Variants in SGCD observed in about 807,000 individuals in gnomAD.
SGCD encodes delta-sarcoglycan.
In SGCD, 18 loss-of-function variants were observed where a neutral mutation model predicts 36.6. The ratio of observed to expected loss-of-function variants is 0.49; its 90% confidence interval spans 0.34 to 0.73. The LOEUF is 0.73. Ranked by LOEUF, SGCD falls within the 30% of genes least tolerant of loss-of-function variation. SGCD has a pLI of 0.01. For missense variants in SGCD, 387 were observed against 346.7 expected (o/e 1.12, Z -0.92); for synonymous variants, 133 against 130.6 (o/e 1.02, Z -0.12).
intron 7 of SGCD, among the ~76,000 whole-genome samples, chr5:156,710,423 T>C (rs1465975985): frequency 6.6e-6 from 1 of 152,198 alleles, no homozygotes; most frequent in Non-Finnish European, 1.5e-5. Context: ...AGCCAAACTC[T>C]GCAAAATATT....
intron 1 of SGCD, among the ~76,000 whole-genome samples, chr5:156,329,316 G>A (rs953350775): frequency 1.3e-5 from 2 of 152,196 alleles, no homozygotes; most frequent in Non-Finnish European, 2.9e-5. Context: ...GCACTGATTT[G>A]TTGGACTGGA....
the SGCD span, among the ~76,000 whole-genome samples, chr5:155,856,892 G>A: frequency 6.6e-6 from 1 of 152,148 alleles, no homozygotes; most frequent in East Asian, 1.9e-4. Flanking sequence ...ATACATTGTT[G>A]GTGAGAAGAT....
At chr5:155,782,039 T>G in the SGCD span, among the ~76,000 whole-genome samples, 5 of 151,244 alleles carry the variant, frequency 3.3e-5, no homozygotes, top group East Asian at 9.7e-4. Flanking sequence ...TTTTTTTTTT[T>G]TTTTGAGACA....
At chr5:155,761,879 C>T in the SGCD span, among the ~76,000 whole-genome samples, 1 of 152,018 alleles carries the variant, frequency 6.6e-6, no homozygotes, top group Non-Finnish European at 1.5e-5. Context: ...CATCATCCTC[C>T]CTATTGTCCT....
At chr5:156,297,436 C>T (rs1419014103) in intron 3 of SGCD, among the ~76,000 whole-genome samples, 1 of 151,978 alleles carries the variant, frequency 6.6e-6, no homozygotes, top group Non-Finnish European at 1.5e-5. Context: ...GGCACATATA[C>T]ACCATGGAAT....
chr5:156,481,486 A>G (rs1464056310), intron 3 of SGCD, among the ~76,000 whole-genome samples: 1 of 152,070 alleles, frequency 6.6e-6, no homozygotes, highest in Non-Finnish European at 1.5e-5. Context: ...GCTTTCCTTT[A>G]TTTTTTATTG....
chr5:156,421,427 G>A (rs571662925), intron 3 of SGCD, among the ~76,000 whole-genome samples: 3 of 152,148 alleles, frequency 2.0e-5, no homozygotes, highest in South Asian at 2.1e-4. Context: ...TGGTTTCTTC[G>A]AAGAAAATCT....
intron 1 of SGCD, among the ~76,000 whole-genome samples, chr5:156,024,619 T>C (rs556761858): frequency 6.6e-6 from 1 of 152,222 alleles, no homozygotes; most frequent in South Asian, 2.1e-4. Flanking sequence ...TTTTAGATAG[T>C]ATATTGATTC....
intron 2 of SGCD, among the ~76,000 whole-genome samples, chr5:156,339,596 A>G (rs559811969): frequency 6.6e-6 from 1 of 152,344 alleles, no homozygotes; most frequent in South Asian, 2.1e-4. Flanking sequence ...AAACATGACA[A>G]TAAAGTGAAT....
intron 1 of SGCD, among the ~76,000 whole-genome samples, chr5:155,913,251 C>G (rs1756667121): frequency 6.6e-6 from 1 of 152,098 alleles, no homozygotes; most frequent in Non-Finnish European, 1.5e-5. Flanking sequence ...GCTGGAGAAG[C>G]AGAGAATGAT....
At chr5:156,604,602 A>G (rs952079594) in intron 6 of SGCD, among the ~76,000 whole-genome samples, 29 of 151,510 alleles carry the variant, frequency 1.9e-4, no homozygotes, top group Admixed American at 3.3e-4. Flanking sequence ...CATGAGAAAT[A>G]CTCTAGACTT....
At chr5:156,583,099 A>T (rs1281513658) in intron 4 of SGCD, among the ~76,000 whole-genome samples, 1 of 152,232 alleles carries the variant, frequency 6.6e-6, no homozygotes, top group Non-Finnish European at 1.5e-5. Flanking sequence ...TAGTGTAATT[A>T]TGAACATTTT....
intron 6 of SGCD, among the ~76,000 whole-genome samples, chr5:156,603,754 G>GA (rs895738828): frequency 1.3e-5 from 2 of 151,668 alleles, no homozygotes; most frequent in Non-Finnish European, 3.0e-5. Flanking sequence ...ACCATTGTCA[G>GA]AAAAAAAATG....
chr5:156,005,377 C>T lies in SGCD; in HGVS notation c.-281-112501C>T, dbSNP rs148252971. Among the ~76,000 whole-genome samples the T allele has an allele frequency of 3.7e-3, 556 of 152,218 alleles. 3 individuals are homozygous for T. Among genetic ancestry groups the T allele is most frequent in the Non-Finnish European group, 6.0e-3 (409 of 68,010 alleles). On this transcript the variant is annotated intron_variant, in intron 1 of 9. Coordinates refer to the SGCD transcript ENST00000517913. ...TGAGAAAGACGGCAAAGGAGGAAAT[C>T]AAATCATGCTACAATGAAAATTAGG... is the stretch of plus-strand genomic sequence containing the variant.
intron 6 of SGCD, among the ~76,000 whole-genome samples, chr5:156,636,150 G>T (rs1262125836): frequency 2.6e-5 from 4 of 152,116 alleles, no homozygotes; most frequent in African/African-American, 9.7e-5. Flanking sequence ...CACTAAACTG[G>T]AGTGATTACA....
the SGCD span, among the ~76,000 whole-genome samples, chr5:155,775,458 A>C: frequency 7.7e-4 from 118 of 152,278 alleles, 1 homozygote; most frequent in African/African-American, 2.7e-3. Context: ...ACAACTAATA[A>C]GATACAGTGC....
chr5:155,909,073 T>A (rs1308680695), intron 1 of SGCD, among the ~76,000 whole-genome samples: 2 of 152,114 alleles, frequency 1.3e-5, no homozygotes, highest in African/African-American at 4.8e-5. Context: ...AGGCTAATTA[T>A]CTGGTGAATG....
chr5:156,559,065 C>G (rs447983), intron 4 of SGCD, among the ~76,000 whole-genome samples: 37,926 of 152,062 alleles, frequency 0.25, 5,601 homozygotes, highest in African/African-American at 0.41. Flanking sequence ...GCCAGCTCTA[C>G]TACTCACTGG....
chr5:156,759,233 C>G lies in SGCD; in HGVS notation c.716C>G (p.Ala239Gly). The part of the protein sequence containing the change: ...SKDGEIKLDA[A>G]KIRLPRLPHG... Reference sequence around the variant, plus strand: ...TGTCTTTAGATTAAGTTAGATGCTGCGAAAATCAGGCTACCTAGACTGCCT... The same window carrying G: ...TGTCTTTAGATTAAGTTAGATGCTGGGAAAATCAGGCTACCTAGACTGCCT... Residue 239 changes from alanine to glycine, a missense_variant, in exon 9 of 9, where the codon GCG (alanine) becomes GGG (glycine). Physicochemically the swap from Ala to Gly is moderately conservative, Grantham distance 60 (BLOSUM62 0). Transcript: ENST00000337851. The G allele has an allele frequency of 6.2e-7, 1 of 1,613,572 alleles. No individual in the cohort carries two copies.
Sources: allele counts gnomAD v4.1 joint callset (sites outside exome capture counted in the v4.1 genomes callset), GRCh38; gene constraint gnomAD v4.1.1; transcripts MANE v1.5; gene names NCBI Gene and HGNC (gene_info 2026-07-23, HGNC 2026-07-21).